Variants in DISP1 observed in about 807,000 individuals in gnomAD.
DISP1 encodes the protein protein dispatched homolog 1.
DISP1 carries 30 observed loss-of-function variants against 37.3 expected under a neutral mutation model. The ratio of observed to expected loss-of-function variants is 0.80; its 90% CI spans 0.60 to 1.09. The LOEUF (loss-of-function observed/expected upper bound fraction) is 1.09, where lower values mean the gene tolerates loss of function less well. Ranked by LOEUF, DISP1 falls within the 50% of genes least tolerant of loss-of-function variation. The probability of loss-of-function intolerance (pLI) is 0.00; values close to 1 mark genes in which losing one functional copy is unlikely to be tolerated. For synonymous variants in DISP1, 634 were observed against 690.2 expected, an observed-to-expected ratio of 0.92 and a Z score of 1.28; for missense variants, 1,598 against 1,879.5, an observed-to-expected ratio of 0.85 and a Z score of 2.77.
chr1:222,980,113 G>A (rs1677725603), intron 3 of DISP1, among the ~76,000 whole-genome samples: 1 of 152,178 alleles, frequency 6.6e-6, no homozygotes. Flanking sequence ...ATACTCAAAA[G>A]TATCCAAAGT....
intron 1 of DISP1, among the ~76,000 whole-genome samples, chr1:222,870,487 T>C (rs541079832): frequency 2.6e-5 from 4 of 152,282 alleles, no homozygotes; most frequent in Non-Finnish European, 5.9e-5. Flanking sequence ...CCATTCTAAC[T>C]GGTGTGAGAT....
intron 1 of DISP1, among the ~76,000 whole-genome samples, chr1:222,916,384 C>T (rs1672495114): frequency 6.6e-6 from 1 of 152,198 alleles, no homozygotes; most frequent in African/African-American, 2.4e-5. Flanking sequence ...TAAAGTCTAC[C>T]ATTTGGGATG....
At chr1:222,855,305 TC>T (rs1241941983) in intron 1 of DISP1, among the ~76,000 whole-genome samples, 1 of 152,184 alleles carries the variant, frequency 6.6e-6, no homozygotes, top group African/African-American at 2.4e-5. Flanking sequence ...ACACTTGAGT[TC>T]CAGGCGTTGG....
At chr1:222,900,505 T>A (rs762487687) in intron 1 of DISP1, among the ~76,000 whole-genome samples, 4 of 152,196 alleles carry the variant, frequency 2.6e-5, no homozygotes, top group Non-Finnish European at 5.9e-5. Context: ...TTCTGTTTTC[T>A]TTTTTCTGTT....
At chr1:222,828,252 T>C (rs2125206818) in intron 1 of DISP1, among the ~76,000 whole-genome samples, 1 of 152,214 alleles carries the variant, frequency 6.6e-6, no homozygotes, top group East Asian at 1.9e-4. Context: ...GCTTTCTACT[T>C]ATCTTTTGTT....
Position 223,005,555 on chromosome 1 carries a change from A to G in DISP1, c.4158A>G (p.Pro1386=). ...SLQRSIEEHL[P]KMAEPSSFVC... ...AGAGGAGCATAGAAGAGCATCTTCC[A>G]AAGATGGCAGAGCCATCGTCATTTG... Residue 1386 remains proline (P), a synonymous_variant, in exon 9 of 9, where the codon CCA becomes CCG. Coordinates refer to ENST00000675850, the MANE Select transcript of DISP1 (RefSeq NM_001377229.1). The G allele has an allele frequency of 6.2e-7, 1 of 1,614,230 alleles. No individual in the cohort carries two copies. Among genetic ancestry groups the G allele is most frequent in the Non-Finnish European group, 8.5e-7 (1 of 1,180,048 alleles).
At chr1:222,911,107 T>C (rs1672183301) in intron 1 of DISP1, among the ~76,000 whole-genome samples, 2 of 152,234 alleles carry the variant, frequency 1.3e-5, no homozygotes, top group African/African-American at 4.8e-5. Flanking sequence ...CTTTGTAGAA[T>C]GCCATATTCT....
chr1:222,829,717 C>T (rs36054388), intron 1 of DISP1, among the ~76,000 whole-genome samples: 25,397 of 152,050 alleles, frequency 0.17, 2,460 homozygotes, highest in African/African-American at 0.26. Flanking sequence ...GCTAGGATTA[C>T]AGGCATTAGC....
chr1:222,917,705 A>G (rs1672575053), intron 1 of DISP1, among the ~76,000 whole-genome samples: 1 of 152,196 alleles, frequency 6.6e-6, no homozygotes, highest in Admixed American at 6.5e-5. Flanking sequence ...GTCTTCTTTT[A>G]TGGCTACAGG....
chr1:222,903,185 AACTATCGC>A (rs1325481105), intron 1 of DISP1, among the ~76,000 whole-genome samples: 2 of 151,744 alleles, frequency 1.3e-5, no homozygotes, highest in Non-Finnish European at 2.9e-5. Flanking sequence ...ATTCTCAGCA[AACTATCGC>A]AAGGACAAAA....
intron 1 of DISP1, among the ~76,000 whole-genome samples, chr1:222,895,434 A>G (rs140171538): frequency 6.7e-6 from 1 of 149,502 alleles, no homozygotes; most frequent in Non-Finnish European, 1.5e-5. Context: ...CTGATTTTTT[A>G]AAAAAATGAT....
rs767128370 is a variant in DISP1 at position 222,991,597 on chromosome 1, A to C, written c.741A>C (p.Lys247Asn). The C allele has an allele frequency of 1.2e-6, 2 of 1,613,808 alleles. No individual in the cohort carries two copies. The highest frequency in any genetic ancestry group is 1.1e-5 in the South Asian group (1 of 91,074). ...ATATGGTGAAAAATACAGGATACAA[A>C]GCAACATTAGCAAATTATCCCTTTA... ...WNNMVKNTGY[K>N]ATLANYPFKY... Residue 247 changes from lysine to asparagine, a missense_variant, in exon 6 of 9, where the codon AAA (lysine) becomes AAC (asparagine). Physicochemically the swap from Lys to Asn is moderately conservative, Grantham distance 94. Coordinates refer to ENST00000675850, the MANE Select transcript of DISP1 (RefSeq NM_001377229.1).
intron 1 of DISP1, among the ~76,000 whole-genome samples, chr1:222,889,097 C>T (rs1182250868): frequency 2.6e-5 from 4 of 152,044 alleles, no homozygotes; most frequent in African/African-American, 9.6e-5. Flanking sequence ...AAGATTCCAA[C>T]TCTTTAAAAA....
chr1:222,942,696 C>T, intron 2 of DISP1, 111 bp from the exon 3 acceptor site: 1 of 1,272,856 alleles, frequency 7.9e-7, no homozygotes, highest in South Asian at 1.3e-5. Flanking sequence ...TGTCTCACAA[C>T]TCTGCAAGAA....
chr1:222,847,341 T>G (rs1351498118), intron 1 of DISP1, among the ~76,000 whole-genome samples: 1 of 152,174 alleles, frequency 6.6e-6, no homozygotes, highest in Non-Finnish European at 1.5e-5. Flanking sequence ...TCCTGGTTAT[T>G]TTTAGTGGAG....
At chr1:222,943,897 G>T (rs146483398) in intron 3 of DISP1, among the ~76,000 whole-genome samples, 10,363 of 152,138 alleles carry the variant, frequency 0.068, 383 homozygotes, top group Non-Finnish European at 0.075. Context: ...GGGCGTGGTG[G>T]TGCATGCCTA....
chr1:222,848,898 T>C (rs979640777), intron 1 of DISP1, among the ~76,000 whole-genome samples: 5 of 152,152 alleles, frequency 3.3e-5, no homozygotes, highest in African/African-American at 1.2e-4. Context: ...ACTTAAATAG[T>C]ATTTCTATGC....
At chr1:222,855,981 T>C (rs1668527522) in intron 1 of DISP1, among the ~76,000 whole-genome samples, 1 of 151,994 alleles carries the variant, frequency 6.6e-6, no homozygotes, top group South Asian at 2.1e-4. Flanking sequence ...AAATATGTCC[T>C]GGGGGAAAAG....
chr1:222,999,082 G>A (rs574482685), intron 8 of DISP1, among the ~76,000 whole-genome samples: 3 of 152,106 alleles, frequency 2.0e-5, no homozygotes, highest in Admixed American at 6.5e-5. Flanking sequence ...TAAAAGTTAA[G>A]GTATCATTTA....
Sources: gnomAD v4.1 joint callset for allele counts (sites outside exome capture counted in the v4.1 genomes callset) on GRCh38, gnomAD v4.1.1 for gene constraint, MANE v1.5 for transcripts, NCBI Gene and HGNC (gene_info 2026-07-23, HGNC 2026-07-21) for gene names.